HOXB4: variants seen among roughly 807,000 people sequenced by gnomAD.
The protein encoded by HOXB4 is homeobox protein Hox-B4.
A neutral mutation model predicts 20.0 loss-of-function variants in HOXB4; 13 were observed. The ratio of observed to expected loss-of-function variants is 0.65; its 90% confidence interval spans 0.42 to 1.03. HOXB4 has a LOEUF of 1.03. Among genes scored for constraint, HOXB4 ranks in the 50% least tolerant of loss-of-function variants. The pLI is 0.00. For synonymous variants in HOXB4, 173 were observed against 148.9 expected, an observed-to-expected ratio of 1.16 and a Z score of -1.18; for missense variants, 343 against 357.1, an observed-to-expected ratio of 0.96 and a Z score of 0.32.
Position 48,576,284 on chromosome 17 carries a change from A to C in HOXB4, c.*438T>G. 1 of 154,614 alleles carries C rather than the reference A, an allele frequency of 6.5e-6. No individual in the cohort carries two copies. Among genetic ancestry groups the C allele is most frequent in the Non-Finnish European group, 1.4e-5 (1 of 69,466 alleles). The allele number at this position is 154,614 out of a possible 1,614,324, so 9.6% of individuals were successfully genotyped here. A position where few individuals can be genotyped will look rare whatever the true frequency, so the allele number is the denominator to read the frequency against. On this transcript the variant is annotated 3_prime_UTR_variant, in exon 2 of 2. Coordinates refer to ENST00000332503, the MANE Select transcript of HOXB4 (RefSeq NM_024015.5). ...TCATTTGTTAGCGGGTGTCGAGGTA[A>C]TGGTCGCCACCGAGGCCCGTCTTCT...
intron 1 of HOXB4, 139 bp downstream of exon 1, chr17:48,577,724 C>G (rs1411174394): frequency 1.3e-6 from 1 of 741,452 alleles, no homozygotes; most frequent in South Asian, 6.1e-5. Context: ...AACAGGCGAC[C>G]GTAAATCTCC....
Position 48,577,960 on chromosome 17 carries a change from A to T in HOXB4, c.360T>A (p.Pro120=). The T allele has an allele frequency of 7.6e-7, 1 of 1,314,222 alleles. No individual in the cohort carries two copies. The allele number at this position is 1,314,222 out of a possible 1,614,324, so 81.4% of individuals were successfully genotyped here. Residue 120 remains proline (P), a synonymous_variant, in exon 1 of 2, where the codon CCT becomes CCA. Coordinates refer to ENST00000332503, the MANE Select transcript of HOXB4 (RefSeq NM_024015.5). ...GGTGCAGGGGGTTCTGGGCGCAGGG[A>T]GGCGGCGGGGGGCTGCTGCTGACCG... ...CEAVSSSPPP[P]PCAQNPLHPS... is the part of the protein sequence containing the mutation.
rs769086823 is a variant in HOXB4, at chr17:48,576,825, T to C, written c.653A>G (p.Lys218Arg). 1 of 1,614,248 alleles carries C rather than the reference T, an allele frequency of 6.2e-7. No homozygotes were observed. Among genetic ancestry groups the C allele is most frequent in the Non-Finnish European group, 8.5e-7 (1 of 1,180,040 alleles). The change falls in exon 2 of 2, where the codon AAA becomes AGA. Residue 218 changes from lysine (K) to arginine (R), a missense_variant. Around this residue, in one of 3 missense-constraint regions of HOXB4, gnomAD observed 54 missense variants for 90.3 expected, o/e 0.60. Transcript: ENST00000332503. Reference sequence around the variant, plus strand: ...GGTGTTGGGCAACTTGTGGTCTTTTTTCCACTTCATGCGCCGGTTCTGGAA... The same window carrying C: ...GGTGTTGGGCAACTTGTGGTCTTTTCTCCACTTCATGCGCCGGTTCTGGAA... Reference protein sequence around the residue: ...IWFQNRRMKWKKDHKLPNTKI... With the variant: ...IWFQNRRMKWRKDHKLPNTKI...
Position 48,576,302 on chromosome 17 carries a change from C to T in HOXB4, c.*420G>A, listed in dbSNP as rs2069758342. The T allele has an allele frequency of 6.4e-6, 1 of 156,390 alleles. No homozygotes were observed. The highest frequency in any genetic ancestry group is 2.4e-5 in the African/African-American group (1 of 41,626). 9.7% of individuals were successfully genotyped at this position (156,390 alleles called of 1,614,324 possible). On this transcript the variant is annotated 3_prime_UTR_variant, in exon 2 of 2. Coordinates refer to ENST00000332503, the MANE Select transcript of HOXB4 (RefSeq NM_024015.5). ...CGAGGTAATGGTCGCCACCGAGGCCCGTCTTCTCCTCGGCAGAGGAAACAA... is the reference window on the plus strand; with the variant it reads ...CGAGGTAATGGTCGCCACCGAGGCCTGTCTTCTCCTCGGCAGAGGAAACAA...
chr17:48,577,109 T>G, intron 1 of HOXB4, 89 bp from the exon 2 acceptor site: 1 of 1,267,044 alleles, frequency 7.9e-7, no homozygotes. Context: ...AGCGTTTCCC[T>G]CCCTCCCTCT....
In HOXB4 at chr17:48,576,418, T is replaced by G. The variant is rs1205221317; in HGVS notation, c.*304A>C. ...AACGAGGAGCTGCAGCCTCCTCCTATTTCTCTTTCTGTCTTTTTCTTTCTT... is the reference window on the plus strand; with the variant it reads ...AACGAGGAGCTGCAGCCTCCTCCTAGTTCTCTTTCTGTCTTTTTCTTTCTT... On this transcript the variant is annotated 3_prime_UTR_variant, in exon 2 of 2. Coordinates refer to ENST00000332503, the MANE Select transcript of HOXB4 (RefSeq NM_024015.5). The G allele has an allele frequency of 1.5e-5, 4 of 274,346 alleles. No individual in the cohort carries two copies. The highest frequency in any genetic ancestry group is 6.8e-6 in the Non-Finnish European group (1 of 147,886). 17.0% of individuals were successfully genotyped at this position (274,346 alleles called of 1,614,324 possible).
rs1446915900 is a variant in HOXB4 at position 48,578,266 on chromosome 17, A to T, written c.54T>A (p.Pro18=). The T allele has an allele frequency of 6.2e-7, 1 of 1,613,938 alleles. No individual in the cohort carries two copies. The highest frequency in any genetic ancestry group is 1.6e-4 in the Middle Eastern group (1 of 6,062). ...CGCTCTGTGAATATTCCTCGCATGG[A>T]GGGAACTTGGGGTCGACATAGTTTG... ...INSNYVDPKF[P]PCEEYSQSDY... is the part of the protein sequence containing the mutation. Residue 18 remains proline, a synonymous_variant, in exon 1 of 2, where the codon CCT becomes CCA. Coordinates refer to ENST00000332503, the MANE Select transcript of HOXB4 (RefSeq NM_024015.5).
chr17:48,577,337 G>C (rs1045251960), intron 1 of HOXB4, among the ~76,000 whole-genome samples: 2 of 152,180 alleles, frequency 1.3e-5, no homozygotes, highest in African/African-American at 2.4e-5. Context: ...GGAGAATGAG[G>C]GGGTGGAAGA....
Position 48,576,660 on chromosome 17 carries a change from C to CCCA in HOXB4, c.*61_*62insTGG. The CCCA allele has an allele frequency of 1.1e-6, 1 of 908,050 alleles. No individual in the cohort carries two copies. Among genetic ancestry groups the CCCA allele is most frequent in the Non-Finnish European group, 1.5e-6 (1 of 655,298 alleles). The allele number at this position is 908,050 out of a possible 1,614,324, so 56.2% of individuals were successfully genotyped here. A position where few individuals can be genotyped will look rare whatever the true frequency, so the allele number is the denominator to read the frequency against. ...CAGGGCCCCCTCCTGTCCCCCCACC[C>CCCA]CATCCCCTGCACTCACTGCCCACCC... On this transcript the variant is annotated 3_prime_UTR_variant, in exon 2 of 2. Coordinates refer to ENST00000332503, the MANE Select transcript of HOXB4 (RefSeq NM_024015.5).
Position 48,578,045 on chromosome 17 carries a change from C to A in HOXB4, c.275G>T (p.Arg92Leu). ...PPPPPPGLSP[R>L]APAPPPAGAL... ...CCCGGCGGGTGGCGGCGCAGGAGCCCGAGGGGACAGACCGGGCGGTGGCGG... is the reference window on the plus strand; with the variant it reads ...CCCGGCGGGTGGCGGCGCAGGAGCCAGAGGGGACAGACCGGGCGGTGGCGG... The change falls in exon 1 of 2, where the codon CGG becomes CTG. Residue 92 changes from arginine to leucine, a missense_variant. By Grantham distance (102) the Arg-to-Leu change is moderately radical. Coordinates refer to ENST00000332503, the MANE Select transcript of HOXB4 (RefSeq NM_024015.5). 1.1e-6 allele frequency: 1 copy of A among 927,202 alleles called. No individual in the cohort carries two copies. Among genetic ancestry groups the A allele is most frequent in the Non-Finnish European group, 1.3e-6 (1 of 795,108 alleles). 57.4% of individuals were successfully genotyped at this position (927,202 alleles called of 1,614,324 possible).
chr17:48,576,649 G>GGCCCCCCCCCC lies in HOXB4; in HGVS notation c.*72_*73insGGGGGGGGGGC. 1 of 774,816 alleles carries GGCCCCCCCCCC rather than the reference G, an allele frequency of 1.3e-6. No homozygotes were observed. The highest frequency in any genetic ancestry group is 1.8e-6 in the Non-Finnish European group (1 of 568,216). The allele number at this position is 774,816 out of a possible 1,614,324, so 48.0% of individuals were successfully genotyped here. ...GGCCCAGGCCCCAGGGCCCCCTCCT[G>GGCCCCCCCCCC]TCCCCCCACCCCATCCCCTGCACTC... On this transcript the variant is annotated 3_prime_UTR_variant, in exon 2 of 2. Transcript: ENST00000332503.
intron 1 of HOXB4, 28 bp from the exon 2 acceptor site, chr17:48,577,048 G>T: frequency 2.0e-6 from 3 of 1,538,378 alleles, no homozygotes; most frequent in South Asian, 1.2e-5. Flanking sequence ...GAGGGAGAAA[G>T]AGAAAGTTTT....
At chr17:48,577,062 GC>G in intron 1 of HOXB4, 42 bp from the exon 2 acceptor site, 1 of 1,510,310 alleles carries the variant, frequency 6.6e-7, no homozygotes. Context: ...AAGTTTTATT[GC>G]CCCCGAAAGA....
chr17:48,576,650 T>C lies in HOXB4; in HGVS notation c.*72A>G, dbSNP rs2144884194. 197 of 567,546 alleles carry C rather than the reference T, an allele frequency of 3.5e-4. No homozygotes were observed. Among genetic ancestry groups the C allele is most frequent in the East Asian group, 1.2e-3 (23 of 19,310 alleles). 35.2% of individuals were successfully genotyped at this position (567,546 alleles called of 1,614,324 possible). On this transcript the variant is annotated 3_prime_UTR_variant, in exon 2 of 2. Coordinates refer to ENST00000332503, the MANE Select transcript of HOXB4 (RefSeq NM_024015.5). ...GCCCAGGCCCCAGGGCCCCCTCCTG[T>C]CCCCCCACCCCATCCCCTGCACTCA...
In HOXB4 at chr17:48,576,737, G is replaced by A. The variant is rs1360220826; in HGVS notation, c.741C>T (p.Gly247=). 3.1e-6 allele frequency: 5 copies of A among 1,609,176 alleles called. No individual in the cohort carries two copies. The highest frequency in any genetic ancestry group is 3.3e-5 in the Admixed American group (2 of 59,792). The change falls in exon 2 of 2, where the codon GGC becomes GGT. Residue 247 remains glycine (G), a synonymous_variant. Coordinates refer to ENST00000332503, the MANE Select transcript of HOXB4 (RefSeq NM_024015.5). ...AGGPPGRPNG[G]PRAL is the part of the protein sequence containing the mutation. ...TGCGGGGGCACTAGAGCGCGCGGGG[G>A]CCTCCATTGGGCCGGCCAGGGGGCC...
rs2303482 is a variant in HOXB4 at position 48,578,164 on chromosome 17, C to A, written c.156G>T (p.Ala52=). 1 of 1,606,012 alleles carries A rather than the reference C, an allele frequency of 6.2e-7. No individual in the cohort carries two copies. The highest frequency in any genetic ancestry group is 2.2e-5 in the East Asian group (1 of 44,718). ...TGCACGCCGCGCGCCGCCCGAAGCCCGCCTCCGGCTGGAAGCTGCTCTCTC... is the reference window on the plus strand; with the variant it reads ...TGCACGCCGCGCGCCGCCCGAAGCCAGCCTCCGGCTGGAAGCTGCTCTCTC... ...QRRESSFQPE[A]GFGRRAACTV... is the part of the protein sequence containing the mutation. Residue 52 remains alanine, a synonymous_variant, in exon 1 of 2, where the codon GCG becomes GCT. Coordinates refer to ENST00000332503, the MANE Select transcript of HOXB4 (RefSeq NM_024015.5).
rs762936719 is a variant in HOXB4 at position 48,577,015 on chromosome 17, G to A, written c.463C>T (p.Pro155Ser). ...MRKVHVSTVN[P>S]NYAGGEPKRS... Reference sequence around the variant, plus strand: ...TTGGGCTCCCCGCCGGCGTAATTGGGGTTTACTGGACACACACGGAGAGAG... The same window carrying A: ...TTGGGCTCCCCGCCGGCGTAATTGGAGTTTACTGGACACACACGGAGAGAG... The change falls in exon 2 of 2, where the codon CCC becomes TCC. Residue 155 changes from proline (P) to serine (S), a missense_variant. By Grantham distance (74) the Pro-to-Ser change is moderately conservative. Transcript: ENST00000332503. The A allele has an allele frequency of 2.1e-5, 33 of 1,601,078 alleles. No individual in the cohort carries two copies. The highest frequency in any genetic ancestry group is 2.7e-5 in the Non-Finnish European group (32 of 1,172,680).
Position 48,578,102 on chromosome 17 carries a change from G to A in HOXB4, c.218C>T (p.Pro73Leu). ...QRYAACRDPG[P>L]PPPPPPPPPP... ...CGGGGGTGGTGGCGGAGGCGGCGGG[G>A]GCCCAGGGTCCCGGCAGGCCGCGTA... is the stretch of plus-strand genomic sequence containing the variant. The change falls in exon 1 of 2, where the codon CCC becomes CTC. Residue 73 changes from proline to leucine, a missense_variant. Coordinates refer to ENST00000332503, the MANE Select transcript of HOXB4 (RefSeq NM_024015.5). 1.7e-6 allele frequency: 2 copies of A among 1,203,878 alleles called. No individual in the cohort carries two copies. The highest frequency in any genetic ancestry group is 2.1e-6 in the Non-Finnish European group (2 of 936,072). The allele number at this position is 1,203,878 out of a possible 1,614,324, so 74.6% of individuals were successfully genotyped here.
chr17:48,577,085 C>T, intron 1 of HOXB4, 65 bp from the exon 2 acceptor site: 1 of 1,463,516 alleles, frequency 6.8e-7, no homozygotes, highest in East Asian at 2.3e-5. Flanking sequence ...AGAGTCCTTT[C>T]TTCCAGGGAA....
Sources: allele counts gnomAD v4.1 joint callset (sites outside exome capture counted in the v4.1 genomes callset), GRCh38; gene constraint gnomAD v4.1.1; regional missense constraint gnomAD v4.1.1; transcripts MANE v1.5; gene names NCBI Gene and HGNC (gene_info 2026-07-23, HGNC 2026-07-21).